The following EXOC3 variants were observed in gnomAD, a reference collection of about 807,000 sequenced individuals.
EXOC3 encodes the protein exocyst complex component 3, also known as SEC6-like 1.
A neutral mutation model predicts 73.7 loss-of-function variants in EXOC3; 21 were observed. That is an observed-to-expected ratio of 0.29 (90% CI 0.20 to 0.41). The LOEUF is 0.41. EXOC3 is among the 10% of genes least tolerant of loss of function. The pLI is 1.00. For synonymous variants in EXOC3, 410 were observed against 389.1 expected, an observed-to-expected ratio of 1.05 and a Z score of -0.63; for missense variants, 842 against 985.1, an observed-to-expected ratio of 0.85 and a Z score of 1.95.
intron 10 of EXOC3, 63 bp from the exon 11 acceptor site, chr5:465,048 A>G (rs1395176410): frequency 1.4e-6 from 2 of 1,467,232 alleles, no homozygotes; most frequent in Non-Finnish European, 1.8e-6. Context: ...CCTGGGTTTC[A>G]ATGAGGGTGC....
intron 1 of EXOC3, among the ~76,000 whole-genome samples, chr5:444,420 C>T (rs1737442187): frequency 6.6e-6 from 1 of 152,252 alleles, no homozygotes; most frequent in Non-Finnish European, 1.5e-5. Flanking sequence ...TGACAGACTT[C>T]ACTCCAGCCT....
At position 457,088 on chromosome 5, in the gene EXOC3, G is replaced by C; in HGVS notation, c.1164+82G>C. On this transcript the variant is annotated intron_variant, in intron 5 of 12. Transcript: ENST00000512944. ...GGGCTTGGCAGCAGGCAGGAGGCAG[G>C]GGGGAAATGCCTTAGCGTTGACTTC... 7.4e-6 allele frequency: 7 copies of C among 949,746 alleles called. No individual in the cohort carries two copies. In the Admixed American group the frequency reaches 7.8e-5, roughly 11 times the overall value. 58.8% of individuals were successfully genotyped at this position (949,746 alleles called of 1,614,324 possible).
chr5:456,206 G>A (rs1455340353), intron 4 of EXOC3, among the ~76,000 whole-genome samples: 4 of 152,294 alleles, frequency 2.6e-5, no homozygotes, highest in Middle Eastern at 3.4e-3. Flanking sequence ...GTGTTTGCAC[G>A]TAACCTGCGT....
intron 12 of EXOC3, 176 bp downstream of exon 12, chr5:466,021 T>G: frequency 3.6e-6 from 2 of 561,058 alleles, no homozygotes; most frequent in East Asian, 3.9e-5. Flanking sequence ...GCTTCTGTGC[T>G]GCCTTCCACC....
At chr5:445,643 C>A (rs1168943119) in intron 1 of EXOC3, among the ~76,000 whole-genome samples, 3 of 152,212 alleles carry the variant, frequency 2.0e-5, no homozygotes, top group Non-Finnish European at 4.4e-5. Context: ...CGTGAGCCAC[C>A]GGGCCTGGCT....
At chr5:444,668 T>C (rs2126569410) in intron 1 of EXOC3, among the ~76,000 whole-genome samples, 1 of 90,388 alleles carries the variant, frequency 1.1e-5, no homozygotes, top group Middle Eastern at 4.4e-3. Context: ...AAACAAGCCC[T>C]GTTGGAGGGA....
intron 3 of EXOC3, among the ~76,000 whole-genome samples, chr5:448,203 G>A (rs1259703055): frequency 2.6e-5 from 4 of 152,234 alleles, no homozygotes; most frequent in Non-Finnish European, 5.9e-5. Flanking sequence ...GAGGAGAAGC[G>A]TGTGTGCACA....
chr5:450,598 C>T (rs986783711), intron 3 of EXOC3, among the ~76,000 whole-genome samples: 2 of 152,154 alleles, frequency 1.3e-5, no homozygotes, highest in African/African-American at 4.8e-5. Flanking sequence ...CTTCTGTCTG[C>T]TTGTTCTGTC....
chr5:448,083 C>T (rs567532168), intron 3 of EXOC3, among the ~76,000 whole-genome samples: 5 of 152,294 alleles, frequency 3.3e-5, no homozygotes, highest in Admixed American at 6.5e-5. Context: ...AGAATGAAGA[C>T]GCCGTGGCCC....
At chr5:447,285 T>G (rs1579732168) in intron 2 of EXOC3, 1 of 439,204 alleles carries the variant, frequency 2.3e-6, no homozygotes, top group Non-Finnish European at 4.1e-6. Context: ...AGATGAGGAG[T>G]GTCCTGACCT....
At chr5:448,969 C>G (rs368052854) in intron 3 of EXOC3, among the ~76,000 whole-genome samples, 1 of 152,226 alleles carries the variant, frequency 6.6e-6, no homozygotes, top group East Asian at 1.9e-4. Flanking sequence ...AAAGTCCTCT[C>G]GACGGAGTCT....
At position 443,220 on chromosome 5, in the gene EXOC3, GGGCGGCGGGGGCGGCGGC is replaced by G. The variant is rs1336786549; in HGVS notation, c.-118_-101del. The G allele has an allele frequency of 2.2e-4, 33 of 153,086 alleles. 9 individuals carry two copies. The East Asian group carries it at 4.9e-3, about 23-fold the overall frequency. 9.5% of individuals were successfully genotyped at this position (153,086 alleles called of 1,614,324 possible). Reference sequence around the variant, plus strand: ...GAGGCGGAGGCAGCGAAGGCGGAGGGGGCGGCGGGGGCGGCGGCGGCGGCGGCGGCGGCGGCGGCGGCG... The same window carrying G: ...GAGGCGGAGGCAGCGAAGGCGGAGGGGGCGGCGGCGGCGGCGGCGGCGGCG... On this transcript the variant is annotated 5_prime_UTR_variant, in exon 1 of 13. Coordinates refer to ENST00000512944, the MANE Select transcript of EXOC3 (RefSeq NM_007277.5).
chr5:457,223 CT>C (rs1418984589), intron 5 of EXOC3: 5 of 562,020 alleles, frequency 8.9e-6, no homozygotes, highest in Non-Finnish European at 1.6e-5. Flanking sequence ...AGCTTGTCCT[CT>C]GCTGGAGACG....
intron 10 of EXOC3, 82 bp from the exon 11 acceptor site, chr5:465,029 G>C: frequency 7.1e-7 from 1 of 1,414,312 alleles, no homozygotes; most frequent in Non-Finnish European, 9.3e-7. Flanking sequence ...GAGCCACCGG[G>C]AGCCCCAGCC....
chr5:462,138 C>T lies in EXOC3; in HGVS notation c.1503-19C>T. The T allele has an allele frequency of 6.2e-7, 1 of 1,613,572 alleles. No homozygotes were observed. The highest frequency in any genetic ancestry group is 8.5e-7 in the Non-Finnish European group (1 of 1,179,674). ...GGCCTGCCCAGCCGCTGTGTTGAAC[C>T]TGAACCCTTTCCTTGCAGGGAATCC... On this transcript the variant is annotated intron_variant, in intron 8 of 12. Transcript: ENST00000512944.
At chr5:465,652 A>G (rs925726237) in intron 11 of EXOC3, 66 bp from the exon 12 acceptor site, 16 of 1,600,072 alleles carry the variant, frequency 1.0e-5, no homozygotes, top group Admixed American at 3.4e-5. Context: ...GCTCAGCCAG[A>G]ATCCAGCTGC....
intron 3 of EXOC3, among the ~76,000 whole-genome samples, chr5:450,568 T>G (rs1737633498): frequency 6.6e-6 from 1 of 152,216 alleles, no homozygotes; most frequent in Non-Finnish European, 1.5e-5. Flanking sequence ...ATTGTTCAAG[T>G]CCTCTCTTTC....
chr5:455,400 A>C (rs1050870512), intron 4 of EXOC3, among the ~76,000 whole-genome samples: 16 of 152,258 alleles, frequency 1.1e-4, no homozygotes, highest in Non-Finnish European at 2.2e-4. Flanking sequence ...GGGAGGTTGA[A>C]GTGCTCCACT....
At chr5:451,124 CTT>C (rs768765596) in intron 3 of EXOC3, among the ~76,000 whole-genome samples, 2 of 149,504 alleles carry the variant, frequency 1.3e-5, no homozygotes, top group African/African-American at 2.4e-5. Context: ...ATTTTTGTCT[CTT>C]ATTTCTGCAT....
Sources: allele counts gnomAD v4.1 joint callset (sites outside exome capture counted in the v4.1 genomes callset), GRCh38; gene constraint gnomAD v4.1.1; transcripts MANE v1.5; gene names NCBI Gene and HGNC (gene_info 2026-07-23, HGNC 2026-07-21).